MAP1B: variants seen among roughly 807,000 people sequenced by gnomAD.
MAP1B encodes the protein microtubule-associated protein 1B.
In MAP1B, 12 loss-of-function variants were observed where a neutral mutation model predicts 176.1. That is an observed-to-expected ratio of 0.07 (90% CI 0.04 to 0.11). The LOEUF (loss-of-function observed/expected upper bound fraction) is 0.11, where lower values mean the gene tolerates loss of function less well. Among genes scored for constraint, MAP1B ranks in the 10% least tolerant of loss-of-function variants. The pLI is 1.00. For missense variants in MAP1B, 2,523 were observed against 2,990.5 expected (o/e 0.84, Z 3.65); for synonymous variants, 1,044 against 1,135.0 (o/e 0.92, Z 1.61).
intron 2 of MAP1B, among the ~76,000 whole-genome samples, chr5:72,161,957 AAAAAAAAAAAAAAAAAAAAG>A (rs1216698569): frequency 9.1e-4 from 6 of 6,608 alleles, no homozygotes; most frequent in African/African-American, 1.4e-3. Flanking sequence ...ATTCCGTCTC[AAAAAAAAAAAAAAAAAAAAG>A]AAAGAAAGAA....
At position 72,199,019 on chromosome 5, in the gene MAP1B, C is replaced by T. The variant is rs1298281184; in HGVS notation, c.5664C>T (p.Asp1888=). ...GGTCCCCAGATGAAGAAGATTATGA[C>T]TATGAGTCTTATGAGAAGACCACCC... ...TTRSPDEEDY[D]YESYEKTTRT... is the part of the protein sequence containing the mutation. The change falls in exon 5 of 7, where the codon GAC becomes GAT. Residue 1888 remains aspartate, a synonymous_variant. Coordinates refer to ENST00000296755, the MANE Select transcript of MAP1B (RefSeq NM_005909.5). The surrounding 1 kb of genome is among the most constrained non-coding windows in gnomAD (Gnocchi z 4.2). 3 of 1,614,164 alleles carry T rather than the reference C, an allele frequency of 1.9e-6. No homozygotes were observed. Among genetic ancestry groups the T allele is most frequent in the Non-Finnish European group, 2.5e-6 (3 of 1,180,028 alleles).
intron 2 of MAP1B, among the ~76,000 whole-genome samples, chr5:72,173,297 T>C (rs1181119849): frequency 6.6e-6 from 1 of 152,214 alleles, no homozygotes; most frequent in African/African-American, 2.4e-5. Flanking sequence ...AAAAACACTG[T>C]CTCCTGTTTA....
chr5:72,168,087 G>T (rs968184444), intron 2 of MAP1B, among the ~76,000 whole-genome samples: 3 of 152,230 alleles, frequency 2.0e-5, no homozygotes, highest in Non-Finnish European at 4.4e-5. Context: ...AGCTGAGGAG[G>T]GCCTCAGGCT....
At chr5:72,181,050 T>C (rs1404525148) in intron 2 of MAP1B, among the ~76,000 whole-genome samples, 1 of 152,148 alleles carries the variant, frequency 6.6e-6, no homozygotes, top group Non-Finnish European at 1.5e-5. Context: ...CTTTCGACAG[T>C]AAAGGGGGAT....
chr5:72,200,269 C>T lies in MAP1B; in HGVS notation c.6914C>T (p.Thr2305Ile), dbSNP rs979356939. 2.5e-6 allele frequency: 4 copies of T among 1,614,128 alleles called. No homozygotes were observed. The highest frequency in any genetic ancestry group is 3.4e-6 in the Non-Finnish European group (4 of 1,180,058). ...GAAAAGGCAGCAAAACCCACCACCA[C>T]TCCTGAGGTCAAAGCTGCACGTGGG... ...SVEKAAKPTT[T>I]PEVKAARGEE... is the part of the protein sequence containing the mutation. Residue 2305 changes from threonine (T) to isoleucine (I), a missense_variant, in exon 5 of 7, where the codon ACT becomes ATT. This residue lies in a region of MAP1B where 287 missense variants were observed against 401.5 expected (regional missense o/e 0.71). Transcript: ENST00000296755.
chr5:72,177,037 G>T (rs759752073), intron 2 of MAP1B, among the ~76,000 whole-genome samples: 1 of 152,126 alleles, frequency 6.6e-6, no homozygotes, highest in Non-Finnish European at 1.5e-5. Flanking sequence ...TGATGCTATT[G>T]GTCTTTGGGG....
Position 72,198,319 on chromosome 5 carries a change from AGCAATCCCTTGCTAT to A in MAP1B, c.4966_4980del (p.Gln1656_Met1660del), listed in dbSNP as rs777307266. The A allele has an allele frequency of 3.7e-6, 6 of 1,614,072 alleles. No homozygotes were observed. In the South Asian group the frequency reaches 6.6e-5, roughly 18 times the overall value. ...ATTGAATTTGGCCAAGAATCTCCTG[AGCAATCCCTTGCTAT>A]GGACTTCAGTCGACAGTCTCCAGAT... On this transcript the variant is annotated inframe_deletion, in exon 5 of 7. Coordinates refer to ENST00000296755, the MANE Select transcript of MAP1B (RefSeq NM_005909.5).
rs780161302 is a variant in MAP1B, at chr5:72,196,560, A to G, written c.3205A>G (p.Thr1069Ala). Residue 1069 changes from threonine to alanine, a missense_variant, in exon 5 of 7, where the codon ACC becomes GCC. Thr to Ala is a moderately conservative substitution (Grantham distance 58). Coordinates refer to ENST00000296755, the MANE Select transcript of MAP1B (RefSeq NM_005909.5). This position sits in a 1 kb window ranked among gnomAD's most constrained non-coding sequence, Gnocchi z 5.3. ...GCAGTATGGATTCCTCACCACACCA[A>G]CCAAGCAACTAGGAGCCCAGTCTCC... ...EEQYGFLTTP[T>A]KQLGAQSPGR... 17 of 1,613,682 alleles carry G rather than the reference A, an allele frequency of 1.1e-5. No homozygotes were observed. The South Asian group carries it at 1.6e-4, about 16-fold the overall frequency.
At position 72,197,581 on chromosome 5, in the gene MAP1B, C is replaced by T. The variant is rs191204467; in HGVS notation, c.4226C>T (p.Ala1409Val). ...RSPPLIGSES[A>V]YESFLSADDK... Reference sequence around the variant, plus strand: ...CCGCCCCTCATTGGATCCGAGTCTGCTTATGAAAGTTTTCTAAGTGCTGAT... The same window carrying T: ...CCGCCCCTCATTGGATCCGAGTCTGTTTATGAAAGTTTTCTAAGTGCTGAT... Residue 1409 changes from alanine (A) to valine (V), a missense_variant, in exon 5 of 7, where the codon GCT (alanine) becomes GTT (valine). Ala to Val is a moderately conservative substitution (Grantham distance 64). Transcript: ENST00000296755. The T allele has an allele frequency of 5.0e-6, 8 of 1,614,146 alleles. No individual in the cohort carries two copies. In the East Asian group the frequency reaches 1.1e-4, roughly 22 times the overall value.
At position 72,107,727 on chromosome 5, in the gene MAP1B, C is replaced by T. The variant is rs1333517866; in HGVS notation, c.184+12C>T. 6 of 1,597,774 alleles carry T rather than the reference C, an allele frequency of 3.8e-6. No individual in the cohort carries two copies. Among genetic ancestry groups the T allele is most frequent in the Non-Finnish European group, 5.1e-6 (6 of 1,179,262 alleles). ...CAACATCGAGCTCGGTAAGTGGCCC[C>T]GCGCCCCCAGAGACGCGCGCTGGGA... On this transcript the variant is annotated intron_variant, in intron 1 of 6. Coordinates refer to ENST00000296755, the MANE Select transcript of MAP1B (RefSeq NM_005909.5).
Position 72,199,257 on chromosome 5 carries a change from G to A in MAP1B, c.5902G>A (p.Glu1968Lys), listed in dbSNP as rs999621263. Residue 1968 changes from glutamate (E) to lysine (K), a missense_variant, in exon 5 of 7, where the codon GAA (glutamate) becomes AAA (lysine). Glu to Lys is a moderately conservative substitution (Grantham distance 56, BLOSUM62 1). Transcript: ENST00000296755. The surrounding 1 kb of genome is among the most constrained non-coding windows in gnomAD (Gnocchi z 4.2). ...AAGTGAAAAGACCACCAGCCCCCCC[G>A]AAGTGAGTGGTTACAGCTATGAAAA... ...DISEKTTSPP[E>K]VSGYSYEKTE... The A allele has an allele frequency of 1.2e-5, 19 of 1,613,980 alleles. No individual in the cohort carries two copies. Among genetic ancestry groups the A allele is most frequent in the East Asian group, 1.1e-4 (5 of 44,884 alleles).
At chr5:72,123,480 T>TA (rs397963660) in intron 2 of MAP1B, among the ~76,000 whole-genome samples, 1 of 149,506 alleles carries the variant, frequency 6.7e-6, no homozygotes, top group African/African-American at 2.5e-5. Flanking sequence ...TTGTTTTTTT[T>TA]GTTTTTTTTT....
At chr5:72,167,205 A>G (rs1252880159) in intron 2 of MAP1B, among the ~76,000 whole-genome samples, 6 of 152,202 alleles carry the variant, frequency 3.9e-5, no homozygotes, top group African/African-American at 1.2e-4. Flanking sequence ...TGCAAGTCAT[A>G]TGGAAAATAA....
rs749037005 is a variant in MAP1B at position 72,198,563 on chromosome 5, T to C, written c.5208T>C (p.His1736=). Residue 1736 remains histidine, a synonymous_variant, in exon 5 of 7, where the codon CAT becomes CAC. Coordinates refer to ENST00000296755, the MANE Select transcript of MAP1B (RefSeq NM_005909.5). The part of the protein sequence containing the change: ...VEASPSTSSA[H]TPSQIASPLQ... ...CCTCCCCGTCCACCTCTTCTGCTCA[T>C]ACCCCTTCTCAGATCGCTTCTCCTC... The C allele has an allele frequency of 1.2e-6, 2 of 1,614,070 alleles. No homozygotes were observed. The highest frequency in any genetic ancestry group is 2.2e-5 in the East Asian group (1 of 44,874).
intron 2 of MAP1B, among the ~76,000 whole-genome samples, chr5:72,121,356 G>A (rs984662145): frequency 1.3e-5 from 2 of 152,224 alleles, no homozygotes; most frequent in Non-Finnish European, 2.9e-5. Flanking sequence ...TACACAGTAA[G>A]ACCTTGATAT....
In MAP1B at chr5:72,206,479, GT is replaced by G. The variant is rs1747451952; in HGVS notation, c.*1241del. The G allele has an allele frequency of 6.6e-6, 1 of 152,618 alleles. No homozygotes were observed. The highest frequency in any genetic ancestry group is 6.5e-5 in the Admixed American group (1 of 15,276). 9.5% of individuals were successfully genotyped at this position (152,618 alleles called of 1,614,324 possible). A position where few individuals can be genotyped will look rare whatever the true frequency, so the allele number is the denominator to read the frequency against. On this transcript the variant is annotated 3_prime_UTR_variant, in exon 7 of 7. Transcript: ENST00000296755. ...TTCTATGATCAGAACTGGGAAAACA[GT>G]GAATCTTATGGTGGAAGAGGTTCTC... is the stretch of plus-strand genomic sequence containing the variant.
chr5:72,134,273 C>A lies in MAP1B; in HGVS notation c.286+18474C>A, dbSNP rs562300566. Among the ~76,000 whole-genome samples the A allele has an allele frequency of 2.0e-3, 300 of 152,294 alleles. 1 individual carries two copies. Among genetic ancestry groups the A allele is most frequent in the Non-Finnish European group, 3.5e-3 (236 of 68,022 alleles). ...TCAGTGAAGTCCTTTGATTTCTGCT[C>A]CTTTTAGTATTGTCGCAGCAAGACT... On this transcript the variant is annotated intron_variant, in intron 2 of 6. Transcript: ENST00000296755.
intron 2 of MAP1B, among the ~76,000 whole-genome samples, chr5:72,124,921 T>C (rs1247661655): frequency 6.6e-6 from 1 of 152,216 alleles, no homozygotes; most frequent in Non-Finnish European, 1.5e-5. Flanking sequence ...TATCCATCAA[T>C]GGGAATGTCA....
At chr5:72,110,899 G>A (rs1745321649) in intron 1 of MAP1B, among the ~76,000 whole-genome samples, 1 of 152,328 alleles carries the variant, frequency 6.6e-6, no homozygotes, top group South Asian at 2.1e-4. Flanking sequence ...CTTCGTAAAT[G>A]CCTCTTGAAA....
Sources: allele counts gnomAD v4.1 joint callset (sites outside exome capture counted in the v4.1 genomes callset), GRCh38; gene constraint gnomAD v4.1.1; regional missense constraint gnomAD v4.1.1; non-coding constraint Gnocchi (gnomAD v3.1); transcripts MANE v1.5; gene names NCBI Gene and HGNC (gene_info 2026-07-23, HGNC 2026-07-21).